EXOC4: variants seen among roughly 807,000 people sequenced by gnomAD.
EXOC4 encodes the protein exocyst complex component 4.
In EXOC4, 71 loss-of-function variants were observed where a neutral mutation model predicts 107.2. The observed-to-expected ratio is 0.66, with a 90% CI of 0.55 to 0.81. The LOEUF (loss-of-function observed/expected upper bound fraction) is 0.81, where lower values mean the gene tolerates loss of function less well. Ranked by LOEUF, EXOC4 falls within the 30% of genes least tolerant of loss-of-function variation. The pLI is 0.00. For missense variants in EXOC4, 1,108 were observed against 1,189.6 expected (o/e 0.93, Z 1.01); for synonymous variants, 456 against 441.2 (o/e 1.03, Z -0.42).
chr7:133,755,446 C>A (rs1054938171), intron 10 of EXOC4, among the ~76,000 whole-genome samples: 3 of 147,186 alleles, frequency 2.0e-5, no homozygotes, highest in East Asian at 4.0e-4. Flanking sequence ...TGGGTTCAAG[C>A]GATTCTCCTG....
chr7:133,924,222 T>A (rs1800002404), intron 13 of EXOC4, among the ~76,000 whole-genome samples: 1 of 152,224 alleles, frequency 6.6e-6, no homozygotes, highest in Admixed American at 6.5e-5. Context: ...CTGTCAACCT[T>A]AATAGTTGCG....
At chr7:134,028,320 T>A (rs1333195097) in intron 17 of EXOC4, among the ~76,000 whole-genome samples, 1 of 152,236 alleles carries the variant, frequency 6.6e-6, no homozygotes, top group East Asian at 1.9e-4. Context: ...TAGCCTTTGA[T>A]ATTGAAATTG....
At chr7:133,886,651 A>G (rs1309985130) in intron 11 of EXOC4, among the ~76,000 whole-genome samples, 3 of 152,178 alleles carry the variant, frequency 2.0e-5, no homozygotes, top group Non-Finnish European at 4.4e-5. Flanking sequence ...ATCATTTATG[A>G]TTTGTTTAAT....
intron 9 of EXOC4, among the ~76,000 whole-genome samples, chr7:133,600,877 G>C (rs1000038546): frequency 1.3e-5 from 2 of 152,148 alleles, no homozygotes; most frequent in African/African-American, 4.8e-5. Flanking sequence ...ACTGACTTGT[G>C]TGAAGTGTCT....
intron 10 of EXOC4, among the ~76,000 whole-genome samples, chr7:133,686,570 A>G (rs1431975211): frequency 2.0e-5 from 3 of 152,212 alleles, no homozygotes; most frequent in African/African-American, 7.2e-5. Flanking sequence ...GGACATGGAC[A>G]GTTCTCAAAA....
intron 14 of EXOC4, among the ~76,000 whole-genome samples, chr7:133,959,803 GA>G (rs200395742): frequency 0.012 from 1,817 of 151,818 alleles, 49 homozygotes; most frequent in African/African-American, 0.041. Context: ...GTGACAAAAA[GA>G]AAAAAAACTA....
intron 9 of EXOC4, among the ~76,000 whole-genome samples, chr7:133,594,152 G>A (rs1801610600): frequency 6.6e-6 from 1 of 152,160 alleles, no homozygotes; most frequent in Admixed American, 6.5e-5. Flanking sequence ...ACCCTTAAAT[G>A]TGAACCACTT....
intron 10 of EXOC4, among the ~76,000 whole-genome samples, chr7:133,650,699 G>A (rs1317993800): frequency 1.3e-5 from 2 of 152,074 alleles, no homozygotes; most frequent in Admixed American, 6.6e-5. Context: ...GGCCGACTTC[G>A]TATTGAAGCC....
intron 13 of EXOC4, among the ~76,000 whole-genome samples, chr7:133,929,109 T>C (rs2116689976): frequency 6.6e-6 from 1 of 151,952 alleles, no homozygotes; most frequent in South Asian, 2.1e-4. Flanking sequence ...TTTTTTGTAT[T>C]TTTAGTAGAG....
intron 10 of EXOC4, among the ~76,000 whole-genome samples, chr7:133,690,345 G>C (rs191661560): frequency 5.9e-4 from 90 of 152,304 alleles, no homozygotes; most frequent in African/African-American, 2.1e-3. Flanking sequence ...AAAAGCCCTC[G>C]TGAGATACCT....
At chr7:133,292,487 T>G (rs893522038) in intron 3 of EXOC4, among the ~76,000 whole-genome samples, 1 of 152,194 alleles carries the variant, frequency 6.6e-6, no homozygotes, top group Admixed American at 6.5e-5. Flanking sequence ...TAGCTATTTA[T>G]TTATTAAGGT....
At chr7:134,080,929 G>A in the EXOC4 span, among the ~76,000 whole-genome samples, 1 of 152,082 alleles carries the variant, frequency 6.6e-6, no homozygotes, top group South Asian at 2.1e-4. Flanking sequence ...ACAGAAATGA[G>A]ACCCTGTCTC....
At chr7:133,604,480 G>A (rs1659324429) in intron 9 of EXOC4, among the ~76,000 whole-genome samples, 1 of 152,024 alleles carries the variant, frequency 6.6e-6, no homozygotes, top group African/African-American at 2.4e-5. Context: ...CCATCACTAG[G>A]TGACAGGAAT....
At chr7:133,761,690 C>T (rs1252373797) in intron 10 of EXOC4, among the ~76,000 whole-genome samples, 1 of 152,156 alleles carries the variant, frequency 6.6e-6, no homozygotes, top group African/African-American at 2.4e-5. Context: ...GTTTGATCAG[C>T]TTTTCAATGT....
At chr7:133,722,238 T>C (rs764919472) in intron 10 of EXOC4, among the ~76,000 whole-genome samples, 3 of 152,236 alleles carry the variant, frequency 2.0e-5, no homozygotes, top group Non-Finnish European at 4.4e-5. Flanking sequence ...GTTGGAAATC[T>C]ATTGATAATG....
At chr7:133,432,567 G>T (rs894905639) in intron 7 of EXOC4, among the ~76,000 whole-genome samples, 1 of 152,092 alleles carries the variant, frequency 6.6e-6, no homozygotes, top group Non-Finnish European at 1.5e-5. Flanking sequence ...CTTGTTTCCA[G>T]TAGGATTTAA....
chr7:133,502,691 G>T (rs756531041), intron 9 of EXOC4, among the ~76,000 whole-genome samples: 1 of 152,088 alleles, frequency 6.6e-6, no homozygotes, highest in African/African-American at 2.4e-5. Context: ...TAAGGCAACC[G>T]CAGGTTTGCT....
intron 7 of EXOC4, among the ~76,000 whole-genome samples, chr7:133,457,331 C>T (rs879445554): frequency 2.1e-4 from 32 of 152,238 alleles, no homozygotes; most frequent in Admixed American, 1.8e-3. Context: ...TCAGTGCAAG[C>T]TTCTTTGGGG....
chr7:134,093,092 AC>A, the EXOC4 span, among the ~76,000 whole-genome samples: 1 of 152,112 alleles, frequency 6.6e-6, no homozygotes, highest in East Asian at 1.9e-4. Context: ...GTAAATATTA[AC>A]CTTGAATGTA....
Sources: gnomAD v4.1 joint callset for allele counts (sites outside exome capture counted in the v4.1 genomes callset) on GRCh38, gnomAD v4.1.1 for gene constraint, MANE v1.5 for transcripts, NCBI Gene and HGNC (gene_info 2026-07-23, HGNC 2026-07-21) for gene names.